Variants in FXN observed in about 807,000 individuals in gnomAD.
The protein encoded by FXN is frataxin, also known as frataxin, mitochondrial.
FXN carries 14 observed loss-of-function variants against 22.4 expected under a neutral mutation model. That is an observed-to-expected ratio of 0.62 (90% CI 0.41 to 0.98). The LOEUF (loss-of-function observed/expected upper bound fraction) is 0.98, where lower values mean the gene tolerates loss of function less well. Among genes scored for constraint, FXN ranks in the 50% least tolerant of loss-of-function variants. The pLI is 0.00. For missense variants in FXN, 267 were observed against 268.4 expected (o/e 0.99, Z 0.04); for synonymous variants, 120 against 114.1 (o/e 1.05, Z -0.33).
intron 4 of FXN, among the ~76,000 whole-genome samples, chr9:69,066,969 C>G (rs935958309): frequency 6.6e-6 from 1 of 152,190 alleles, no homozygotes; most frequent in Non-Finnish European, 1.5e-5. Context: ...ACAGGCTCCC[C>G]GGTCCACCTC....
intron 1 of FXN, among the ~76,000 whole-genome samples, chr9:69,037,284 A>AAAAAAAAAAAAAAAAAAAAAGAAGAAG: frequency 1.3e-5 from 1 of 78,060 alleles, no homozygotes. Context: ...AAAAAAAAAA[A>AAAAAAAAAAAAAAAAAAAAAGAAGAAG]AAGAAGAAGA....
In FXN at chr9:69,078,343, C is replaced by T. The variant is rs908455898; in HGVS notation, c.*5581C>T. 5 of 985,352 alleles carry T rather than the reference C, an allele frequency of 5.1e-6. No individual in the cohort carries two copies. Among genetic ancestry groups the T allele is most frequent in the Non-Finnish European group, 6.0e-6 (5 of 829,982 alleles). The allele number at this position is 985,352 out of a possible 1,614,324, so 61.0% of individuals were successfully genotyped here. ...TCAGCAGTTCCCCTTGAAAGTTTCA[C>T]CAAACATCCCTTAAATCTGCCCTCT... is the stretch of plus-strand genomic sequence containing the variant. On this transcript the variant is annotated 3_prime_UTR_variant, in exon 5 of 5. Coordinates refer to ENST00000484259, the MANE Select transcript of FXN (RefSeq NM_000144.5).
chr9:69,055,371 T>A (rs1449710381), intron 3 of FXN, among the ~76,000 whole-genome samples: 1 of 152,128 alleles, frequency 6.6e-6, no homozygotes, highest in African/African-American at 2.4e-5. Context: ...ACAAAAACAG[T>A]CATGAAACCT....
At chr9:69,065,065 T>C (rs546654612) in intron 4 of FXN, 30 bp downstream of exon 4, 13 of 1,528,006 alleles carry the variant, frequency 8.5e-6, no homozygotes, top group Admixed American at 6.7e-5. Flanking sequence ...AGTCAACATA[T>C]GTAATTCTTA....
intron 2 of FXN, among the ~76,000 whole-genome samples, chr9:69,049,903 C>T (rs111345195): frequency 6.6e-6 from 1 of 152,108 alleles, no homozygotes; most frequent in Non-Finnish European, 1.5e-5. Flanking sequence ...GGAAATGTAT[C>T]TAGTCACAAG....
intron 1 of FXN, among the ~76,000 whole-genome samples, chr9:69,040,011 A>G (rs1375763025): frequency 2.0e-5 from 3 of 152,182 alleles, no homozygotes; most frequent in Non-Finnish European, 2.9e-5. Flanking sequence ...TAATCTATGA[A>G]TGGATTAATC....
chr9:69,052,733 G>A (rs1831876377), intron 2 of FXN, among the ~76,000 whole-genome samples: 2 of 151,584 alleles, frequency 1.3e-5, no homozygotes, highest in African/African-American at 4.8e-5. Context: ...CAGTAGAGAC[G>A]GGGTTTCACC....
At chr9:69,069,439 T>G (rs1370695819) in intron 4 of FXN, among the ~76,000 whole-genome samples, 1 of 152,178 alleles carries the variant, frequency 6.6e-6, no homozygotes. Flanking sequence ...GCAACTGGCC[T>G]CCTCGTGCTA....
chr9:69,048,615 A>G (rs945719835), intron 2 of FXN, among the ~76,000 whole-genome samples: 2 of 150,184 alleles, frequency 1.3e-5, no homozygotes, highest in African/African-American at 5.0e-5. Context: ...AAAAAAAAGA[A>G]AAAAAAAAGG....
At chr9:69,064,030 C>T (rs1219956026) in intron 3 of FXN, among the ~76,000 whole-genome samples, 4 of 152,154 alleles carry the variant, frequency 2.6e-5, no homozygotes, top group Non-Finnish European at 5.9e-5. Flanking sequence ...TCATTCAGAG[C>T]CTCTCGATTG....
Position 69,077,295 on chromosome 9 carries a change from T to C in FXN, c.*4533T>C. 1 of 985,406 alleles carries C rather than the reference T, an allele frequency of 1.0e-6. No homozygotes were observed. Among genetic ancestry groups the C allele is most frequent in the African/African-American group, 1.7e-5 (1 of 57,354 alleles). 61.0% of individuals were successfully genotyped at this position (985,406 alleles called of 1,614,324 possible). ...CGAAGTACCTGATCAGTGGCCCCTT[T>C]GGAATGTGTAAAACTCAGCTCACTT... is the stretch of plus-strand genomic sequence containing the variant. On this transcript the variant is annotated 3_prime_UTR_variant, in exon 5 of 5. Transcript: ENST00000484259.
Position 69,053,511 on chromosome 9 carries a change from A to ATG in FXN, c.384+251_384+252insTG, listed in dbSNP as rs34724950. On this transcript the variant is annotated intron_variant, in intron 3 of 4. Transcript: ENST00000484259. ...TGGATGGATGGATGGATGGATGGAT[A>ATG]GATAGATAGATAGATAGATAGATAG... Among the ~76,000 whole-genome samples, 56,590 of 133,386 alleles carry ATG rather than the reference A, an allele frequency of 0.42. 11,985 individuals carry two copies. Among genetic ancestry groups the ATG allele is most frequent in the East Asian group, 0.48 (2,110 of 4,380 alleles). 87.5% of individuals were successfully genotyped at this position (133,386 alleles called of 152,430 possible). A position where few individuals can be genotyped will look rare whatever the true frequency, so the allele number is the denominator to read the frequency against.
intron 1 of FXN, among the ~76,000 whole-genome samples, chr9:69,039,762 C>T (rs1228865203): frequency 1.3e-5 from 2 of 152,128 alleles, no homozygotes; most frequent in Non-Finnish European, 2.9e-5. Flanking sequence ...GTTTCTTAGT[C>T]CATTTTCTGT....
At chr9:69,040,455 T>G (rs750134910) in intron 1 of FXN, among the ~76,000 whole-genome samples, 1 of 152,126 alleles carries the variant, frequency 6.6e-6, no homozygotes, top group Non-Finnish European at 1.5e-5. Flanking sequence ...GATCACGAGT[T>G]CAGGAGATGG....
Position 69,046,474 on chromosome 9 carries a change from C to T in FXN, c.255C>T (p.Gly85=), listed in dbSNP as rs201496405. The T allele has an allele frequency of 6.2e-7, 1 of 1,612,058 alleles. No individual in the cohort carries two copies. Among genetic ancestry groups the T allele is most frequent in the African/African-American group, 1.3e-5 (1 of 74,994 alleles). The change falls in exon 2 of 5, where the codon GGC becomes GGT. Residue 85 remains glycine, a synonymous_variant. Transcript: ENST00000484259. ...ATTTGAGGAAATCTGGAACTTTGGG[C>T]CACCCAGGGTAAGATAAAACACCTT... ...LMNLRKSGTL[G]HPGSLDETTY...
In FXN at chr9:69,073,292, C is replaced by T. The variant is rs1202821957; in HGVS notation, c.*530C>T. 1.0e-6 allele frequency: 1 copy of T among 1,003,336 alleles called. No homozygotes were observed. The highest frequency in any genetic ancestry group is 5.2e-5 in the Admixed American group (1 of 19,152). 62.2% of individuals were successfully genotyped at this position (1,003,336 alleles called of 1,614,324 possible). On this transcript the variant is annotated 3_prime_UTR_variant, in exon 5 of 5. Coordinates refer to ENST00000484259, the MANE Select transcript of FXN (RefSeq NM_000144.5). The stretch of plus-strand genomic sequence containing the variant: ...GCATTGAAGTGTCGAAAGCAACTCA[C>T]ACGGGAAGATCATTTCTTATTTGTG...
At chr9:69,071,310 C>T (rs1365846933) in intron 4 of FXN, 1 of 518,874 alleles carries the variant, frequency 1.9e-6, no homozygotes, top group East Asian at 5.4e-5. Context: ...CAAGCCCCAG[C>T]ATTTGGTTGA....
Position 69,075,384 on chromosome 9 carries a change from TG to T in FXN, c.*2628del, listed in dbSNP as rs1038638314. 5.6e-6 allele frequency: 4 copies of T among 717,300 alleles called. No individual in the cohort carries two copies. Among genetic ancestry groups the T allele is most frequent in the Non-Finnish European group, 6.8e-6 (4 of 586,178 alleles). 44.4% of individuals were successfully genotyped at this position (717,300 alleles called of 1,614,324 possible). ...CTGAGGCAGGAGAATCGCTGTAACC[TG>T]GGGGGTGGAGGTTGCAGTGAGACGA... On this transcript the variant is annotated 3_prime_UTR_variant, in exon 5 of 5. Transcript: ENST00000484259.
rs934172853 is a variant in FXN, at chr9:69,074,194, TAAC to T, written c.*1435_*1437del. 1.2e-6 allele frequency: 1 copy of T among 845,046 alleles called. No individual in the cohort carries two copies. Among genetic ancestry groups the T allele is most frequent in the African/African-American group, 2.4e-5 (1 of 42,084 alleles). 52.3% of individuals were successfully genotyped at this position (845,046 alleles called of 1,614,324 possible). Reference sequence around the variant, plus strand: ...GCAAAACTCTGTCTCAAAATAATAATAACAATATAATAATAATAATAGCCATCC... The same window carrying T: ...GCAAAACTCTGTCTCAAAATAATAATAATATAATAATAATAATAGCCATCC... On this transcript the variant is annotated 3_prime_UTR_variant, in exon 5 of 5. Coordinates refer to ENST00000484259, the MANE Select transcript of FXN (RefSeq NM_000144.5).
Sources: gnomAD v4.1 joint callset for allele counts (sites outside exome capture counted in the v4.1 genomes callset) on GRCh38, gnomAD v4.1.1 for gene constraint, MANE v1.5 for transcripts, NCBI Gene and HGNC (gene_info 2026-07-23, HGNC 2026-07-21) for gene names.